Variants in BMPER observed in about 807,000 individuals in gnomAD.
BMPER encodes BMP-binding endothelial regulator protein.
BMPER carries 45 observed loss-of-function variants against 87.3 expected under a neutral mutation model. That is an observed-to-expected ratio of 0.52 (90% CI 0.41 to 0.66). The LOEUF (loss-of-function observed/expected upper bound fraction) is 0.66. BMPER is among the 30% of genes least tolerant of loss of function. The pLI is 0.00. For missense variants in BMPER, 784 were observed against 867.5 expected, an observed-to-expected ratio of 0.90 and a Z score of 1.21; for synonymous variants, 326 against 316.2, an observed-to-expected ratio of 1.03 and a Z score of -0.33.
In BMPER at chr7:33,994,265, C is replaced by G. The variant is rs866153385; in HGVS notation, c.576+19481C>G. ...GATCTCAGACTGCTGTGCTAGCAAT[C>G]AGCGAGACTCCGTGGGCGTAGGACC... On this transcript the variant is annotated intron_variant, in intron 6 of 14. Coordinates refer to ENST00000649409, the MANE Select transcript of BMPER (RefSeq NM_001365308.1). 9.2e-5 allele frequency among the ~76,000 whole-genome samples: 14 copies of G among 152,220 alleles called. No homozygotes were observed. The South Asian group carries it at 1.5e-3, about 16-fold the overall frequency.
rs577874263 is a variant in BMPER, at chr7:33,908,423, T to G, written c.219+1520T>G. Among the ~76,000 whole-genome samples, 9 of 152,326 alleles carry G rather than the reference T, an allele frequency of 5.9e-5. No homozygotes were observed. The East Asian group carries it at 1.5e-3, about 26-fold the overall frequency. ...TTTTGTAAACTGTTCCCAAATAACA[T>G]TATGAGAAATTCTCCCCACAGCATT... On this transcript the variant is annotated intron_variant, in intron 2 of 14. Coordinates refer to ENST00000649409, the MANE Select transcript of BMPER (RefSeq NM_001365308.1).
intron 13 of BMPER, among the ~76,000 whole-genome samples, chr7:34,117,536 G>C (rs112133809): frequency 4.6e-5 from 7 of 152,302 alleles, no homozygotes; most frequent in African/African-American, 1.7e-4. Context: ...TCTAGGGAGA[G>C]ACCATAAAAC....
At chr7:34,059,226 A>T (rs544693771) in intron 10 of BMPER, among the ~76,000 whole-genome samples, 1 of 152,288 alleles carries the variant, frequency 6.6e-6, no homozygotes, top group East Asian at 1.9e-4. Flanking sequence ...CTTGCAGCAC[A>T]TGTTAGTAAT....
intron 2 of BMPER, among the ~76,000 whole-genome samples, chr7:33,928,555 C>T (rs754793040): frequency 7.0e-6 from 1 of 142,502 alleles, no homozygotes; most frequent in East Asian, 2.1e-4. Context: ...TGACACTGCC[C>T]TGTTTTAAAT....
At position 34,156,099 on chromosome 7, in the gene BMPER, T is replaced by C. The variant is rs1305796853; in HGVS notation, c.*2826T>C. Among the ~76,000 whole-genome samples the C allele has an allele frequency of 6.6e-6, 1 of 152,206 alleles. No homozygotes were observed. Among genetic ancestry groups the C allele is most frequent in the Non-Finnish European group, 1.5e-5 (1 of 68,036 alleles). Reference sequence around the variant, plus strand: ...GTGGTACACTAAGAATCACTAACTCTTCAGGTTGAAGGCCTCACTCATCTT... The same window carrying C: ...GTGGTACACTAAGAATCACTAACTCCTCAGGTTGAAGGCCTCACTCATCTT... On this transcript the variant is annotated 3_prime_UTR_variant, in exon 15 of 15. Transcript: ENST00000649409.
intron 11 of BMPER, among the ~76,000 whole-genome samples, chr7:34,065,211 TCTCTCTCTC>T (rs1469837126): frequency 2.7e-5 from 3 of 111,078 alleles, no homozygotes; most frequent in Non-Finnish European, 6.2e-5. Flanking sequence ...TCACTCTCTC[TCTCTCTCTC>T]TCTCTCTCTC....
chr7:34,041,318 C>T (rs938441978), intron 6 of BMPER, among the ~76,000 whole-genome samples: 1 of 152,134 alleles, frequency 6.6e-6, no homozygotes, highest in African/African-American at 2.4e-5. Context: ...CAGTACCTGG[C>T]ACAACCCAGG....
At chr7:34,049,659 A>G (rs953798309) in intron 7 of BMPER, among the ~76,000 whole-genome samples, 1 of 152,208 alleles carries the variant, frequency 6.6e-6, no homozygotes, top group African/African-American at 2.4e-5. Context: ...CTATTCATTT[A>G]TCTTCTGCCT....
At chr7:33,939,317 G>T (rs1784689383) in intron 3 of BMPER, among the ~76,000 whole-genome samples, 1 of 152,088 alleles carries the variant, frequency 6.6e-6, no homozygotes, top group Non-Finnish European at 1.5e-5. Context: ...AGATACCCAA[G>T]ACAAACACAT....
chr7:34,105,517 G>C (rs552025463), intron 13 of BMPER, among the ~76,000 whole-genome samples: 1 of 152,172 alleles, frequency 6.6e-6, no homozygotes, highest in South Asian at 2.1e-4. Flanking sequence ...AGGGATATCT[G>C]GACTCTAAAA....
chr7:34,026,140 G>A (rs1173899252), intron 6 of BMPER, among the ~76,000 whole-genome samples: 1 of 152,024 alleles, frequency 6.6e-6, no homozygotes, highest in East Asian at 1.9e-4. Context: ...CTGGGATGAT[G>A]GTAATGGGGT....
At chr7:34,000,190 A>G (rs1786541731) in intron 6 of BMPER, among the ~76,000 whole-genome samples, 1 of 152,216 alleles carries the variant, frequency 6.6e-6, no homozygotes, top group Admixed American at 6.5e-5. Flanking sequence ...AAAAGGAGCT[A>G]TGTGGTTCAA....
intron 13 of BMPER, among the ~76,000 whole-genome samples, chr7:34,105,024 C>A (rs1398942349): frequency 6.6e-6 from 1 of 152,144 alleles, no homozygotes; most frequent in Non-Finnish European, 1.5e-5. Context: ...ACAGAAATTG[C>A]CTTCAACATA....
intron 2 of BMPER, among the ~76,000 whole-genome samples, chr7:33,908,133 A>G (rs909515629): frequency 6.6e-6 from 1 of 152,186 alleles, no homozygotes; most frequent in African/African-American, 2.4e-5. Flanking sequence ...TTAGTAAATA[A>G]TTTGTTGAAA....
intron 5 of BMPER, among the ~76,000 whole-genome samples, 186 bp downstream of exon 5, chr7:33,970,605 A>G (rs1426035404): frequency 6.6e-6 from 1 of 152,092 alleles, no homozygotes. Flanking sequence ...CATGAATGCA[A>G]TGTGCTGGAG....
At chr7:34,052,101 G>A (rs1788160633) in intron 8 of BMPER, 131 bp downstream of exon 8, 1 of 852,624 alleles carries the variant, frequency 1.2e-6, no homozygotes, top group Admixed American at 1.9e-5. Context: ...CATTTTACAA[G>A]GAAAATCATA....
chr7:33,910,946 G>T (rs369991920), intron 2 of BMPER, among the ~76,000 whole-genome samples: 16 of 152,330 alleles, frequency 1.1e-4, no homozygotes, highest in African/African-American at 3.8e-4. Context: ...ACATGTTTGA[G>T]GATGAGGGAG....
intron 13 of BMPER, among the ~76,000 whole-genome samples, chr7:34,090,247 G>A (rs1789342833): frequency 2.0e-5 from 3 of 152,184 alleles, no homozygotes; most frequent in African/African-American, 4.8e-5. Flanking sequence ...GAGCTGGAGA[G>A]GCAGTGTACT....
At chr7:33,976,931 G>A (rs1027727127) in intron 6 of BMPER, among the ~76,000 whole-genome samples, 3 of 152,206 alleles carry the variant, frequency 2.0e-5, no homozygotes, top group African/African-American at 7.2e-5. Context: ...GTTCTTGCCA[G>A]ACCTAGAGTC....
Sources: gnomAD v4.1 joint callset for allele counts (sites outside exome capture counted in the v4.1 genomes callset) on GRCh38, gnomAD v4.1.1 for gene constraint, MANE v1.5 for transcripts, NCBI Gene and HGNC (gene_info 2026-07-23, HGNC 2026-07-21) for gene names.